Variants in RUNX3 observed in about 807,000 individuals in gnomAD.
The protein encoded by RUNX3 is runt-related transcription factor 3.
RUNX3 carries 10 observed loss-of-function variants against 27.7 expected under a neutral mutation model. That is an observed-to-expected ratio of 0.36 (90% CI 0.22 to 0.61). RUNX3 has a LOEUF of 0.61. RUNX3 is among the 20% of genes least tolerant of loss of function. The pLI is 0.72. For synonymous variants in RUNX3, 270 were observed against 269.2 expected, an observed-to-expected ratio of 1.00 and a Z score of -0.03; for missense variants, 469 against 629.5, an observed-to-expected ratio of 0.75 and a Z score of 2.73.
At position 24,943,594 on chromosome 1, in the gene RUNX3, C is replaced by T. The variant is rs939525412; in HGVS notation, c.59-13742G>A. On this transcript the variant is annotated intron_variant, in intron 2 of 6. Coordinates refer to the RUNX3 transcript ENST00000338888. This position sits in a 1 kb window ranked among gnomAD's most constrained non-coding sequence, Gnocchi z 4.6. ...GAAATAAGAGCCCTGGAACAGTTGG[C>T]CAGTGCGGAGAGGACCCCCGAAGAT... Among the ~76,000 whole-genome samples the T allele has an allele frequency of 6.6e-6, 1 of 152,168 alleles. No homozygotes were observed. Among genetic ancestry groups the T allele is most frequent in the African/African-American group, 2.4e-5 (1 of 41,432 alleles).
At chr1:24,920,714 G>A (rs754060012) in intron 2 of RUNX3, among the ~76,000 whole-genome samples, 5 of 152,138 alleles carry the variant, frequency 3.3e-5, no homozygotes, top group Admixed American at 2.6e-4. Context: ...CACACGCTGG[G>A]TGGTTTTTCA....
upstream of RUNX3, among the ~76,000 whole-genome samples, chr1:24,934,830 T>G (rs1641312095): frequency 1.3e-5 from 2 of 151,956 alleles, no homozygotes; most frequent in South Asian, 4.2e-4. Flanking sequence ...GAAAGAGCTA[T>G]TGTGATGGGG....
chr1:24,902,059 C>T lies in RUNX3; in HGVS notation c.*63G>A. The T allele has an allele frequency of 1.4e-6, 2 of 1,408,558 alleles. No homozygotes were observed. Among genetic ancestry groups the T allele is most frequent in the South Asian group, 2.9e-5 (2 of 69,316 alleles). The allele number at this position is 1,408,558 out of a possible 1,614,324, so 87.3% of individuals were successfully genotyped here. The stretch of plus-strand genomic sequence containing the variant: ...TCCCGCCCGGAGCCTCGGAGCCGGC[C>T]CATCACTGGTCTTGAAGGTTGTTAG... On this transcript the variant is annotated 3_prime_UTR_variant, in exon 5 of 5. Transcript: ENST00000308873. This position sits in a 1 kb window ranked among gnomAD's most constrained non-coding sequence, Gnocchi z 9.2.
rs1026532132 is a variant in RUNX3, at chr1:24,901,033, T to G, written c.*1089A>C. On this transcript the variant is annotated 3_prime_UTR_variant, in exon 5 of 5. Coordinates refer to ENST00000308873, the MANE Select transcript of RUNX3 (RefSeq NM_004350.3). ...AACTGTTTTGTTTTTTTTTTGTTTT[T>G]TTGTTTTTTTTTTTTTTTTGCTCAG... 8 of 142,926 alleles carry G rather than the reference T, an allele frequency of 5.6e-5. No homozygotes were observed. Among genetic ancestry groups the G allele is most frequent in the African/African-American group, 1.2e-4 (4 of 33,626 alleles). 8.9% of individuals were successfully genotyped at this position (142,926 alleles called of 1,614,324 possible). A position where few individuals can be genotyped will look rare whatever the true frequency, so the allele number is the denominator to read the frequency against.
Position 24,916,295 on chromosome 1 carries a change from T to G in RUNX3, c.544+2945A>C, listed in dbSNP as rs1199370818. Among the ~76,000 whole-genome samples the G allele has an allele frequency of 6.6e-6, 1 of 152,162 alleles. No homozygotes were observed. The highest frequency in any genetic ancestry group is 1.5e-5 in the Non-Finnish European group (1 of 68,032). On this transcript the variant is annotated intron_variant, in intron 3 of 4. Coordinates refer to ENST00000308873, the MANE Select transcript of RUNX3 (RefSeq NM_004350.3). This position sits in a 1 kb window ranked among gnomAD's most constrained non-coding sequence, Gnocchi z 4.8. ...AGGCCCCGGTAAACTCAGTCAACCT[T>G]CACAGCGACTCCCCTAGGCAGACAC...
rs369172095 is a variant in RUNX3 at position 24,902,295 on chromosome 1, G to A, written c.1075C>T (p.Arg359Cys). Residue 359 changes from arginine (R) to cysteine (C), a missense_variant, in exon 5 of 5, where the codon CGC becomes TGC. Arg to Cys is a radical substitution (Grantham distance 180). Around this residue, in one of 3 missense-constraint regions of RUNX3, gnomAD observed 279 missense variants for 343.0 expected, o/e 0.81. Coordinates refer to ENST00000308873, the MANE Select transcript of RUNX3 (RefSeq NM_004350.3). This position sits in a 1 kb window ranked among gnomAD's most constrained non-coding sequence, Gnocchi z 9.2. ...SSSGGDRSPT[R>C]MLASCTSSAA... ...CTGCTGGTGCAAGAGGCCAGCATGCGGGTAGGTGAGCGGTCGCCCCCACTG... is the reference window on the plus strand; with the variant it reads ...CTGCTGGTGCAAGAGGCCAGCATGCAGGTAGGTGAGCGGTCGCCCCCACTG... The A allele has an allele frequency of 4.4e-6, 7 of 1,602,970 alleles. No individual in the cohort carries two copies. The highest frequency in any genetic ancestry group is 1.3e-5 in the African/African-American group (1 of 74,878).
chr1:24,909,923 G>A (rs1023475887), intron 3 of RUNX3, among the ~76,000 whole-genome samples: 2 of 152,226 alleles, frequency 1.3e-5, no homozygotes, highest in Non-Finnish European at 2.9e-5. Flanking sequence ...CAACTGCGGA[G>A]AGGCGAGGAA....
At chr1:24,921,808 C>T (rs1205953530) in intron 2 of RUNX3, among the ~76,000 whole-genome samples, 3 of 152,186 alleles carry the variant, frequency 2.0e-5, no homozygotes, top group East Asian at 1.9e-4. Context: ...ACTGGAGACA[C>T]GGAGGACTAA....
chr1:24,913,032 C>T (rs968960286), intron 3 of RUNX3, among the ~76,000 whole-genome samples: 1 of 152,188 alleles, frequency 6.6e-6, no homozygotes, highest in Admixed American at 6.5e-5. Flanking sequence ...TCCAATCATA[C>T]CCTGCTCTAG....
intron 2 of RUNX3, among the ~76,000 whole-genome samples, chr1:24,953,598 A>G (rs1259889871): frequency 6.6e-6 from 1 of 152,222 alleles, no homozygotes; most frequent in Non-Finnish European, 1.5e-5. Context: ...GGCAGCACAG[A>G]CATGGGACAT....
intron 3 of RUNX3, among the ~76,000 whole-genome samples, chr1:24,912,884 G>T (rs1398183574): frequency 3.3e-5 from 5 of 151,972 alleles, no homozygotes; most frequent in African/African-American, 1.2e-4. Context: ...AGATGTTAGG[G>T]CCCCGTCCAG....
intron 2 of RUNX3, among the ~76,000 whole-genome samples, chr1:24,939,630 C>T (rs1000402915): frequency 6.6e-6 from 1 of 152,204 alleles, no homozygotes; most frequent in Non-Finnish European, 1.5e-5. Context: ...GGAGTCGAAC[C>T]CTGGCTCTGG....
At chr1:24,951,530 G>A (rs1641766273) in intron 2 of RUNX3, among the ~76,000 whole-genome samples, 1 of 152,220 alleles carries the variant, frequency 6.6e-6, no homozygotes, top group African/African-American at 2.4e-5. Flanking sequence ...GACTCACCCA[G>A]TAAGAAGGTG....
Position 24,929,599 on chromosome 1 carries a change from G to A in RUNX3, c.270C>T (p.Pro90=). 2 of 1,607,204 alleles carry A rather than the reference G, an allele frequency of 1.2e-6. No homozygotes were observed. Among genetic ancestry groups the A allele is most frequent in the Non-Finnish European group, 8.5e-7 (1 of 1,178,816 alleles). The change falls in exon 1 of 5, where the codon CCC becomes CCT. Residue 90 remains proline (P), a synonymous_variant. Coordinates refer to ENST00000308873, the MANE Select transcript of RUNX3 (RefSeq NM_004350.3). The part of the protein sequence containing the change: ...PSHWRCNKTL[P]VAFKVVALGD... ...GTCCCGCACTCACCTTGAAGGCGAC[G>A]GGCAGCGTCTTGTTGCAGCGCCAGT...
In RUNX3 at chr1:24,929,735, C is replaced by T. The variant is rs765400228; in HGVS notation, c.134G>A (p.Gly45Glu). The T allele has an allele frequency of 6.7e-7, 1 of 1,490,484 alleles. No homozygotes were observed. Among genetic ancestry groups the T allele is most frequent in the Non-Finnish European group, 8.9e-7 (1 of 1,129,482 alleles). 92.3% of individuals were successfully genotyped at this position (1,490,484 alleles called of 1,614,324 possible). ...ALSAQAAVGPGGRARPEVRSM... is the reference protein window; with the variant it reads ...ALSAQAAVGPEGRARPEVRSM... ...GCGCACCTCGGGCCGGGCGCGCCCTCCGGGCCCCACGGCCGCCTGCGCGCT... is the reference window on the plus strand; with the variant it reads ...GCGCACCTCGGGCCGGGCGCGCCCTTCGGGCCCCACGGCCGCCTGCGCGCT... Residue 45 changes from glycine to glutamate, a missense_variant, in exon 1 of 5, where the codon GGA becomes GAA. Coordinates refer to ENST00000308873, the MANE Select transcript of RUNX3 (RefSeq NM_004350.3).
Position 24,927,815 on chromosome 1 carries a change from G to T in RUNX3, c.283-85C>A. ...GGAAAGGAGGGGAGGGGCTGGGCTGGGCAGCTCCCCCAGGTCCCAGGCACA... is the reference window on the plus strand; with the variant it reads ...GGAAAGGAGGGGAGGGGCTGGGCTGTGCAGCTCCCCCAGGTCCCAGGCACA... On this transcript the variant is annotated intron_variant, in intron 1 of 4. Transcript: ENST00000308873. This position sits in a 1 kb window ranked among gnomAD's most constrained non-coding sequence, Gnocchi z 5.0. 8.1e-7 allele frequency: 1 copy of T among 1,241,732 alleles called. No individual in the cohort carries two copies. Among genetic ancestry groups the T allele is most frequent in the African/African-American group, 1.5e-5 (1 of 67,970 alleles). 76.9% of individuals were successfully genotyped at this position (1,241,732 alleles called of 1,614,324 possible). A position where few individuals can be genotyped will look rare whatever the true frequency, so the allele number is the denominator to read the frequency against.
chr1:24,928,803 G>A, intron 1 of RUNX3: 1 of 339,560 alleles, frequency 2.9e-6, no homozygotes, highest in Non-Finnish European at 5.8e-6. Flanking sequence ...AGCAGGGACG[G>A]CCTCAGCTTC....
At chr1:24,922,558 C>T (rs1009210779) in intron 2 of RUNX3, among the ~76,000 whole-genome samples, 1 of 152,140 alleles carries the variant, frequency 6.6e-6, no homozygotes, top group African/African-American at 2.4e-5. Context: ...ATCTTTTATG[C>T]TCATCACAAC....
chr1:24,930,828 C>T (rs1327824723), upstream of RUNX3, among the ~76,000 whole-genome samples: 1 of 152,216 alleles, frequency 6.6e-6, no homozygotes, highest in Non-Finnish European at 1.5e-5. This position sits in a 1 kb window ranked among gnomAD's most constrained non-coding sequence, Gnocchi z 4.1. Flanking sequence ...GTCGTCCACG[C>T]CCGGCCGGCG....
Sources: gnomAD v4.1 joint callset for allele counts (sites outside exome capture counted in the v4.1 genomes callset) on GRCh38, gnomAD v4.1.1 for gene constraint, gnomAD v4.1.1 regional missense constraint, Gnocchi (gnomAD v3.1) non-coding constraint, MANE v1.5 for transcripts, NCBI Gene and HGNC (gene_info 2026-07-23, HGNC 2026-07-21) for gene names.